ARRB1: variants seen among roughly 807,000 people sequenced by gnomAD.
ARRB1 encodes the protein beta-arrestin-1.
Under a neutral mutation model 56.8 loss-of-function variants are expected in ARRB1, and 21 were observed. That is an observed-to-expected ratio of 0.37 (90% CI 0.26 to 0.53). ARRB1 has a LOEUF of 0.53. Among genes scored for constraint, ARRB1 ranks in the 20% least tolerant of loss-of-function variants. The probability of loss-of-function intolerance (pLI) is 0.88; values close to 1 mark genes in which losing one functional copy is unlikely to be tolerated. For missense variants in ARRB1, 424 were observed against 553.7 expected (o/e 0.77, Z 2.35); for synonymous variants, 210 against 218.6 (o/e 0.96, Z 0.35).
At chr11:75,293,930 C>A (rs1226414623) in intron 1 of ARRB1, among the ~76,000 whole-genome samples, 1 of 152,176 alleles carries the variant, frequency 6.6e-6, no homozygotes, top group Non-Finnish European at 1.5e-5. Flanking sequence ...CTCTGTGGAC[C>A]AGCTATCTCT....
chr11:75,280,369 C>T (rs1946301189), intron 7 of ARRB1, among the ~76,000 whole-genome samples: 1 of 152,262 alleles, frequency 6.6e-6, no homozygotes, highest in Admixed American at 6.5e-5. Context: ...CCTAAAAAGG[C>T]TGCTGTGCCC....
chr11:75,286,326 G>A (rs759413122), intron 3 of ARRB1, among the ~76,000 whole-genome samples: 4 of 138,908 alleles, frequency 2.9e-5, no homozygotes, highest in South Asian at 2.3e-4. Context: ...CTGGAGTGCG[G>A]TGGCATGATC....
At chr11:75,313,204 T>A (rs1037273135) in intron 1 of ARRB1, among the ~76,000 whole-genome samples, 10 of 152,056 alleles carry the variant, frequency 6.6e-5, no homozygotes, top group Non-Finnish European at 8.8e-5. Flanking sequence ...AATACAAAAA[T>A]TACGGGCGTG....
chr11:75,286,687 T>C (rs1946486742), intron 3 of ARRB1, among the ~76,000 whole-genome samples: 1 of 151,998 alleles, frequency 6.6e-6, no homozygotes, highest in Non-Finnish European at 1.5e-5. Context: ...CAAAGAACTA[T>C]CCAATCCAAA....
rs372692055 is a variant in ARRB1 at position 75,319,551 on chromosome 11, C to T, written c.21-29512G>A. Among the ~76,000 whole-genome samples the T allele has an allele frequency of 4.9e-3, 753 of 152,340 alleles. 9 individuals carry two copies. Among genetic ancestry groups the T allele is most frequent in the African/African-American group, 0.017 (718 of 41,574 alleles). ...AGTTGGGCTCTGGGAAGTGTTCCCT[C>T]AGCACCTTGTCCGTCCTCACTGCTC... On this transcript the variant is annotated intron_variant, in intron 1 of 15. Transcript: ENST00000420843.
chr11:75,335,200 T>C (rs756484491), intron 1 of ARRB1: 85 of 211,242 alleles, frequency 4.0e-4, no homozygotes, highest in African/African-American at 1.9e-3. Context: ...CCGGAAGACA[T>C]TCCTTCTTCT....
chr11:75,283,278 G>A lies in ARRB1; in HGVS notation c.354+9C>T. The A allele has an allele frequency of 6.3e-7, 1 of 1,586,472 alleles. No individual in the cohort carries two copies. The stretch of plus-strand genomic sequence containing the variant: ...CTGGAATGGGGCCCCAGGGATGGCA[G>A]TTCCTGACCTCAAAGGTGAAAGGGT... On this transcript the variant is annotated intron_variant, in intron 5 of 15. Coordinates refer to ENST00000420843, the MANE Select transcript of ARRB1 (RefSeq NM_004041.5).
intron 1 of ARRB1, among the ~76,000 whole-genome samples, chr11:75,327,599 G>T (rs368449571): frequency 1.2e-4 from 18 of 146,732 alleles, no homozygotes; most frequent in African/African-American, 4.0e-4. Flanking sequence ...TTTTGTTTTT[G>T]TTTTTTTTTT....
At chr11:75,333,646 G>A (rs1947554336) in intron 1 of ARRB1, among the ~76,000 whole-genome samples, 1 of 152,184 alleles carries the variant, frequency 6.6e-6, no homozygotes, top group Non-Finnish European at 1.5e-5. Context: ...CTATGGGGGT[G>A]AGGAGAGGAT....
chr11:75,284,180 C>T, intron 4 of ARRB1, 55 bp downstream of exon 4: 2 of 1,548,106 alleles, frequency 1.3e-6, no homozygotes, highest in Non-Finnish European at 8.8e-7. Flanking sequence ...TGCTAGAGGT[C>T]CGGGGGGAAG....
intron 1 of ARRB1, among the ~76,000 whole-genome samples, chr11:75,338,455 C>T (rs547473507): frequency 7.2e-5 from 11 of 152,326 alleles, no homozygotes; most frequent in Non-Finnish European, 1.3e-4. Flanking sequence ...GCATGGTTTT[C>T]TCTTCTCCAG....
intron 1 of ARRB1, among the ~76,000 whole-genome samples, chr11:75,331,454 C>T (rs1292817228): frequency 1.3e-5 from 2 of 152,158 alleles, no homozygotes; most frequent in East Asian, 1.9e-4. Flanking sequence ...CGTATACATC[C>T]AGATGGCCTG....
At position 75,264,373 on chromosome 11, in the gene ARRB1, G is replaced by T. The variant is rs1475048697; in HGVS notation, c.*1790C>A. 2.0e-5 allele frequency: 3 copies of T among 152,252 alleles called. No individual in the cohort carries two copies. Among genetic ancestry groups the T allele is most frequent in the African/African-American group, 7.2e-5 (3 of 41,434 alleles). The allele number at this position is 152,252 out of a possible 1,614,324, so 9.4% of individuals were successfully genotyped here. The stretch of plus-strand genomic sequence containing the variant: ...GAAGGGAGCAGAAACTGAGGAGAGA[G>T]CCCTTGTCCTGCTAATCAATATATT... On this transcript the variant is annotated 3_prime_UTR_variant, in exon 16 of 16. Transcript: ENST00000420843.
At chr11:75,312,293 T>C in intron 1 of ARRB1, 1 of 533,866 alleles carries the variant, frequency 1.9e-6, no homozygotes. Flanking sequence ...GGGACAGGGC[T>C]CAAGTCTGCC....
intron 1 of ARRB1, among the ~76,000 whole-genome samples, chr11:75,324,514 G>A (rs1334692357): frequency 6.6e-6 from 1 of 152,164 alleles, no homozygotes; most frequent in Non-Finnish European, 1.5e-5. Flanking sequence ...AGCAAGGGCC[G>A]TGAATGAACG....
chr11:75,296,690 T>C (rs1305779990), intron 1 of ARRB1, among the ~76,000 whole-genome samples: 1 of 152,136 alleles, frequency 6.6e-6, no homozygotes, highest in African/African-American at 2.4e-5. Context: ...TTTTCCTTTT[T>C]TTTTTGAGAT....
intron 1 of ARRB1, among the ~76,000 whole-genome samples, chr11:75,291,965 G>A (rs978814438): frequency 6.6e-6 from 1 of 152,080 alleles, no homozygotes; most frequent in African/African-American, 2.4e-5. Context: ...GAAGGCGAGT[G>A]GGTGGTGGCT....
chr11:75,277,138 C>T (rs1946218506), intron 9 of ARRB1, among the ~76,000 whole-genome samples: 1 of 152,240 alleles, frequency 6.6e-6, no homozygotes. Context: ...TTGTCCAGAA[C>T]CCAAGAAACT....
In ARRB1 at chr11:75,331,415, C is replaced by T. The variant is rs533043977; in HGVS notation, c.20+20173G>A. Among the ~76,000 whole-genome samples, 7 of 152,242 alleles carry T rather than the reference C, an allele frequency of 4.6e-5. No individual in the cohort carries two copies. The South Asian group carries it at 8.3e-4, about 18-fold the overall frequency. Reference sequence around the variant, plus strand: ...TCATTGTCAGGCCTCTGAGCCCAAGCTAAGACATCACAGCCCCCGTGACCT... The same window carrying T: ...TCATTGTCAGGCCTCTGAGCCCAAGTTAAGACATCACAGCCCCCGTGACCT... On this transcript the variant is annotated intron_variant, in intron 1 of 15. Transcript: ENST00000420843.
Sources: allele counts gnomAD v4.1 joint callset (sites outside exome capture counted in the v4.1 genomes callset), GRCh38; gene constraint gnomAD v4.1.1; transcripts MANE v1.5; gene names NCBI Gene and HGNC (gene_info 2026-07-23, HGNC 2026-07-21).